The following H3C11 variants were observed in gnomAD, a reference collection of about 807,000 sequenced individuals.
H3C11 encodes the protein H3 clustered histone 11.
In H3C11, 10 loss-of-function variants were observed where a neutral mutation model predicts 9.1. The ratio of observed to expected loss-of-function variants is 1.10; its 90% CI spans 0.68 to 1.86. The LOEUF is 1.86. Ranked by LOEUF, H3C11 falls within the 40% of genes most tolerant of loss-of-function variation. The pLI is 0.00. For missense variants in H3C11, 197 were observed against 192.5 expected, an observed-to-expected ratio of 1.02 and a Z score of -0.14; for synonymous variants, 132 against 82.4, an observed-to-expected ratio of 1.60 and a Z score of -3.26.
Position 27,872,197 on chromosome 6 carries a change from T to C in H3C11, c.119A>G (p.His40Arg). 6.2e-7 allele frequency: 1 copy of C among 1,613,460 alleles called. No individual in the cohort carries two copies. Among genetic ancestry groups the C allele is most frequent in the East Asian group, 2.2e-5 (1 of 44,870 alleles). ...GGCCACGGTGCCGGGGCGGTAGCGG[T>C]GGGGCTTCTTGACGCCACCGGTGGC... ...APATGGVKKP[H>R]RYRPGTVALR... is the part of the protein sequence containing the mutation. The change falls in exon 1 of 1, where the codon CAC (histidine) becomes CGC (arginine). Residue 40 changes from histidine (H) to arginine (R), a missense_variant. Physicochemically the swap from His to Arg is conservative, Grantham distance 29. Coordinates refer to ENST00000616365, the MANE Select transcript of H3C11 (RefSeq NM_003533.3).
chr6:27,872,346 T>A lies in H3C11; in HGVS notation c.-31A>T, dbSNP rs1318576180. 4 of 1,571,846 alleles carry A rather than the reference T, an allele frequency of 2.5e-6. No individual in the cohort carries two copies. Among genetic ancestry groups the A allele is most frequent in the Non-Finnish European group, 8.6e-7 (1 of 1,164,166 alleles). On this transcript the variant is annotated 5_prime_UTR_variant, in exon 1 of 1. Transcript: ENST00000616365. ...AGTAGACGTACCTACTCAACACAAATGAGAGAAAAAAACTGATCATCCCGG... is the reference window on the plus strand; with the variant it reads ...AGTAGACGTACCTACTCAACACAAAAGAGAGAAAAAAACTGATCATCCCGG...
chr6:27,872,306 T>A lies in H3C11; in HGVS notation c.10A>T (p.Thr4Ser). Residue 4 changes from threonine to serine, a missense_variant, in exon 1 of 1, where the codon ACA becomes TCA. Transcript: ENST00000616365. ...GTGGACTTGCGAGCTGTTTGCTTTGTTCGTGCCATGGCTAAGTAGACGTAC... is the reference window on the plus strand; with the variant it reads ...GTGGACTTGCGAGCTGTTTGCTTTGATCGTGCCATGGCTAAGTAGACGTAC... MAR[T>S]KQTARKSTGG... 1 of 1,608,642 alleles carries A rather than the reference T, an allele frequency of 6.2e-7. No individual in the cohort carries two copies.
In H3C11 at chr6:27,872,234, T is replaced by C. The variant is rs1057519905; in HGVS notation, c.82A>G (p.Lys28Glu). The C allele has an allele frequency of 6.2e-7, 1 of 1,612,974 alleles. No individual in the cohort carries two copies. Among genetic ancestry groups the C allele is most frequent in the Non-Finnish European group, 8.5e-7 (1 of 1,179,560 alleles). The change falls in exon 1 of 1, where the codon AAG (lysine) becomes GAG (glutamate). Residue 28 changes from lysine (K) to glutamate (E), a missense_variant. Lys to Glu is a moderately conservative substitution (Grantham distance 56, BLOSUM62 1). Transcript: ENST00000616365. ...RKQLATKAAR[K>E]SAPATGGVKK... Reference sequence around the variant, plus strand: ...ACGCCACCGGTGGCCGGAGCGCTCTTGCGAGCCGCCTTGGTGGCCAGCTGC... The same window carrying C: ...ACGCCACCGGTGGCCGGAGCGCTCTCGCGAGCCGCCTTGGTGGCCAGCTGC...
At position 27,872,141 on chromosome 6, in the gene H3C11, T is replaced by C. The variant is rs751668453; in HGVS notation, c.175A>G (p.Thr59Ala). 4 of 1,614,180 alleles carry C rather than the reference T, an allele frequency of 2.5e-6. No homozygotes were observed. Among genetic ancestry groups the C allele is most frequent in the Non-Finnish European group, 3.4e-6 (4 of 1,180,018 alleles). Residue 59 changes from threonine to alanine, a missense_variant, in exon 1 of 1, where the codon ACC (threonine) becomes GCC (alanine). By Grantham distance (58) the Thr-to-Ala change is moderately conservative (BLOSUM62 0). Coordinates refer to ENST00000616365, the MANE Select transcript of H3C11 (RefSeq NM_003533.3). ...LREIRRYQKS[T>A]ELLIRKLPFQ... ...GGTAGCTTCCGGATTAGCAGCTCGGTCGACTTCTGGTAGCGGCGGATCTCG... is the reference window on the plus strand; with the variant it reads ...GGTAGCTTCCGGATTAGCAGCTCGGCCGACTTCTGGTAGCGGCGGATCTCG...
In H3C11 at chr6:27,871,860, A is replaced by C. The variant is rs1761613619; in HGVS notation, c.*45T>G. The C allele has an allele frequency of 6.4e-7, 1 of 1,568,046 alleles. No homozygotes were observed. Among genetic ancestry groups the C allele is most frequent in the Admixed American group, 1.9e-5 (1 of 53,988 alleles). On this transcript the variant is annotated 3_prime_UTR_variant, in exon 1 of 1. Transcript: ENST00000616365. ...TGGTGACAATTGAGGGGCTCTGAAA[A>C]GAGCCTTTTGGGGTTGGACAGACTT...
chr6:27,872,322 G>C lies in H3C11; in HGVS notation c.-7C>G, dbSNP rs190582604. On this transcript the variant is annotated 5_prime_UTR_variant, in exon 1 of 1. Coordinates refer to ENST00000616365, the MANE Select transcript of H3C11 (RefSeq NM_003533.3). ...TTTGCTTTGTTCGTGCCATGGCTAAGTAGACGTACCTACTCAACACAAATG... is the reference window on the plus strand; with the variant it reads ...TTTGCTTTGTTCGTGCCATGGCTAACTAGACGTACCTACTCAACACAAATG... The C allele has an allele frequency of 1.4e-5, 22 of 1,600,650 alleles. No homozygotes were observed. The highest frequency in any genetic ancestry group is 1.7e-5 in the Non-Finnish European group (20 of 1,176,280).
chr6:27,871,957 A>C lies in H3C11; in HGVS notation c.359T>G (p.Ile120Ser). 6.2e-7 allele frequency: 1 copy of C among 1,614,218 alleles called. No individual in the cohort carries two copies. Among genetic ancestry groups the C allele is most frequent in the Non-Finnish European group, 8.5e-7 (1 of 1,180,016 alleles). ...LCAIHAKRVT[I>S]MPKDIQLARR... ...CGCAAGCTGGATGTCTTTAGGCATA[A>C]TAGTGACGCGTTTGGCGTGAATGGC... The change falls in exon 1 of 1, where the codon ATT (isoleucine) becomes AGT (serine). Residue 120 changes from isoleucine (I) to serine (S), a missense_variant. Physicochemically the swap from Ile to Ser is moderately radical, Grantham distance 142. Coordinates refer to ENST00000616365, the MANE Select transcript of H3C11 (RefSeq NM_003533.3).
chr6:27,872,282 T>C lies in H3C11; in HGVS notation c.34A>G (p.Thr12Ala). The change falls in exon 1 of 1, where the codon ACC (threonine) becomes GCC (alanine). Residue 12 changes from threonine (T) to alanine (A), a missense_variant. By Grantham distance (58) the Thr-to-Ala change is moderately conservative. Transcript: ENST00000616365. ...ARTKQTARKS[T>A]GGKAPRKQLA... ...TGCTTGCGCGGCGCTTTGCCGCCGG[T>C]GGACTTGCGAGCTGTTTGCTTTGTT... The C allele has an allele frequency of 6.2e-7, 1 of 1,611,618 alleles. No homozygotes were observed. The highest frequency in any genetic ancestry group is 8.5e-7 in the Non-Finnish European group (1 of 1,179,282).
chr6:27,872,327 C>G lies in H3C11; in HGVS notation c.-12G>C, dbSNP rs1284367983. On this transcript the variant is annotated 5_prime_UTR_variant, in exon 1 of 1. Coordinates refer to ENST00000616365, the MANE Select transcript of H3C11 (RefSeq NM_003533.3). ...TTTGTTCGTGCCATGGCTAAGTAGA[C>G]GTACCTACTCAACACAAATGAGAGA... 1 of 1,589,686 alleles carries G rather than the reference C, an allele frequency of 6.3e-7. No homozygotes were observed. Among genetic ancestry groups the G allele is most frequent in the Non-Finnish European group, 8.5e-7 (1 of 1,173,108 alleles).
In H3C11 at chr6:27,871,994, T is replaced by A. The variant is rs563300662; in HGVS notation, c.322A>T (p.Thr108Ser). 2 of 1,614,230 alleles carry A rather than the reference T, an allele frequency of 1.2e-6. No individual in the cohort carries two copies. The highest frequency in any genetic ancestry group is 4.5e-5 in the East Asian group (2 of 44,888). Residue 108 changes from threonine (T) to serine (S), a missense_variant, in exon 1 of 1, where the codon ACC (threonine) becomes TCC (serine). By Grantham distance (58) the Thr-to-Ser change is moderately conservative. Coordinates refer to ENST00000616365, the MANE Select transcript of H3C11 (RefSeq NM_003533.3). Reference protein sequence around the residue: ...EAYLVGLFEDTNLCAIHAKRV... With the variant: ...EAYLVGLFEDSNLCAIHAKRV... ...TTGGCGTGAATGGCGCACAGGTTGGTATCCTCAAATAGCCCCACCAGGTAG... is the reference window on the plus strand; with the variant it reads ...TTGGCGTGAATGGCGCACAGGTTGGAATCCTCAAATAGCCCCACCAGGTAG...
Position 27,871,994 on chromosome 6 carries a change from T to C in H3C11, c.322A>G (p.Thr108Ala). ...EAYLVGLFED[T>A]NLCAIHAKRV... is the part of the protein sequence containing the mutation. ...TTGGCGTGAATGGCGCACAGGTTGG[T>C]ATCCTCAAATAGCCCCACCAGGTAG... The change falls in exon 1 of 1, where the codon ACC (threonine) becomes GCC (alanine). Residue 108 changes from threonine to alanine, a missense_variant. Coordinates refer to ENST00000616365, the MANE Select transcript of H3C11 (RefSeq NM_003533.3). The C allele has an allele frequency of 6.2e-7, 1 of 1,614,230 alleles. No individual in the cohort carries two copies. Among genetic ancestry groups the C allele is most frequent in the Non-Finnish European group, 8.5e-7 (1 of 1,180,034 alleles).
Position 27,872,064 on chromosome 6 carries a change from G to C in H3C11, c.252C>G (p.Arg84=). The C allele has an allele frequency of 6.2e-7, 1 of 1,614,236 alleles. No homozygotes were observed. Among genetic ancestry groups the C allele is most frequent in the Non-Finnish European group, 8.5e-7 (1 of 1,180,036 alleles). Reference sequence around the variant, plus strand: ...GCGCCATCACCGCCGAGCTCTGGAAGCGCAGATCGGTCTTAAAGTCCTGTG... The same window carrying C: ...GCGCCATCACCGCCGAGCTCTGGAACCGCAGATCGGTCTTAAAGTCCTGTG... ...EIAQDFKTDL[R]FQSSAVMALQ... The change falls in exon 1 of 1, where the codon CGC becomes CGG. Residue 84 remains arginine, a synonymous_variant. Coordinates refer to ENST00000616365, the MANE Select transcript of H3C11 (RefSeq NM_003533.3).
Position 27,871,984 on chromosome 6 carries a change from C to A in H3C11, c.332G>T (p.Cys111Phe). 6.2e-7 allele frequency: 1 copy of A among 1,614,228 alleles called. No individual in the cohort carries two copies. The highest frequency in any genetic ancestry group is 1.3e-5 in the African/African-American group (1 of 75,064). The change falls in exon 1 of 1, where the codon TGC becomes TTC. Residue 111 changes from cysteine to phenylalanine, a missense_variant. Physicochemically the swap from Cys to Phe is radical, Grantham distance 205 (BLOSUM62 -2). Transcript: ENST00000616365. ...LVGLFEDTNL[C>F]AIHAKRVTIM... ...AGTGACGCGTTTGGCGTGAATGGCG[C>A]ACAGGTTGGTATCCTCAAATAGCCC...
Position 27,871,892 on chromosome 6 carries a change from C to A in H3C11, c.*13G>T. 1 of 1,606,940 alleles carries A rather than the reference C, an allele frequency of 6.2e-7. No individual in the cohort carries two copies. The highest frequency in any genetic ancestry group is 8.5e-7 in the Non-Finnish European group (1 of 1,175,638). On this transcript the variant is annotated 3_prime_UTR_variant, in exon 1 of 1. Coordinates refer to ENST00000616365, the MANE Select transcript of H3C11 (RefSeq NM_003533.3). ...TTTGGGGTTGGACAGACTTCTTGGGCTGATAGGAATATTTATGCCCTCTCC... is the reference window on the plus strand; with the variant it reads ...TTTGGGGTTGGACAGACTTCTTGGGATGATAGGAATATTTATGCCCTCTCC...
At position 27,872,004 on chromosome 6, in the gene H3C11, T is replaced by C. The variant is rs768217798; in HGVS notation, c.312A>G (p.Leu104=). The C allele has an allele frequency of 4.3e-6, 7 of 1,614,242 alleles. No individual in the cohort carries two copies. In the South Asian group the frequency reaches 5.5e-5, roughly 13 times the overall value. The change falls in exon 1 of 1, where the codon CTA becomes CTG. Residue 104 remains leucine, a synonymous_variant. Transcript: ENST00000616365. ...TGGCGCACAGGTTGGTATCCTCAAA[T>C]AGCCCCACCAGGTAGGCCTCGCAAG... ...QEACEAYLVG[L]FEDTNLCAIH... is the part of the protein sequence containing the mutation.
rs1460959811 is a variant in H3C11 at position 27,872,331 on chromosome 6, C to T, written c.-16G>A. On this transcript the variant is annotated 5_prime_UTR_variant, in exon 1 of 1. Coordinates refer to ENST00000616365, the MANE Select transcript of H3C11 (RefSeq NM_003533.3). Reference sequence around the variant, plus strand: ...TTCGTGCCATGGCTAAGTAGACGTACCTACTCAACACAAATGAGAGAAAAA... The same window carrying T: ...TTCGTGCCATGGCTAAGTAGACGTATCTACTCAACACAAATGAGAGAAAAA... The T allele has an allele frequency of 1.9e-6, 3 of 1,589,958 alleles. No individual in the cohort carries two copies. The highest frequency in any genetic ancestry group is 1.1e-5 in the South Asian group (1 of 88,176).
Position 27,871,915 on chromosome 6 carries a change from T to C in H3C11, c.401A>G (p.Glu134Gly), listed in dbSNP as rs780465027. 6.2e-7 allele frequency: 1 copy of C among 1,613,516 alleles called. No homozygotes were observed. ...DIQLARRIRG[E>G]RA Reference sequence around the variant, plus strand: ...GGCTGATAGGAATATTTATGCCCTCTCCCCTCGGATGCGGCGCGCAAGCTG... The same window carrying C: ...GGCTGATAGGAATATTTATGCCCTCCCCCCTCGGATGCGGCGCGCAAGCTG... The change falls in exon 1 of 1, where the codon GAG becomes GGG. Residue 134 changes from glutamate (E) to glycine (G), a missense_variant. By Grantham distance (98) the Glu-to-Gly change is moderately conservative (BLOSUM62 -2). Transcript: ENST00000616365.
In H3C11 at chr6:27,871,942, A is replaced by T. The variant is rs1761617012; in HGVS notation, c.374T>A (p.Ile125Asn). The T allele has an allele frequency of 1.9e-6, 3 of 1,613,950 alleles. No individual in the cohort carries two copies. Residue 125 changes from isoleucine (I) to asparagine (N), a missense_variant, in exon 1 of 1, where the codon ATC becomes AAC. Transcript: ENST00000616365. ...CCCTCGGATGCGGCGCGCAAGCTGGATGTCTTTAGGCATAATAGTGACGCG... is the reference window on the plus strand; with the variant it reads ...CCCTCGGATGCGGCGCGCAAGCTGGTTGTCTTTAGGCATAATAGTGACGCG... ...AKRVTIMPKDIQLARRIRGER... is the reference protein window; with the variant it reads ...AKRVTIMPKDNQLARRIRGER...
At position 27,872,262 on chromosome 6, in the gene H3C11, G is replaced by T. The variant is rs1247705191; in HGVS notation, c.54C>A (p.Arg18=). ...ARKSTGGKAP[R]KQLATKAARK... is the part of the protein sequence containing the mutation. Reference sequence around the variant, plus strand: ...GAGCCGCCTTGGTGGCCAGCTGCTTGCGCGGCGCTTTGCCGCCGGTGGACT... The same window carrying T: ...GAGCCGCCTTGGTGGCCAGCTGCTTTCGCGGCGCTTTGCCGCCGGTGGACT... The change falls in exon 1 of 1, where the codon CGC becomes CGA. Residue 18 remains arginine (R), a synonymous_variant. Transcript: ENST00000616365. 7 of 1,611,888 alleles carry T rather than the reference G, an allele frequency of 4.3e-6. No individual in the cohort carries two copies. In the South Asian group the frequency reaches 6.6e-5, roughly 15 times the overall value.
Sources: allele counts gnomAD v4.1 joint callset, GRCh38; gene constraint gnomAD v4.1.1; transcripts MANE v1.5; gene names NCBI Gene and HGNC (gene_info 2026-07-23, HGNC 2026-07-21).